Variants in ATG10 observed in about 807,000 individuals in gnomAD.
The protein encoded by ATG10 is ubiquitin-like-conjugating enzyme ATG10.
A neutral mutation model predicts 32.1 loss-of-function variants in ATG10; 30 were observed. That is an observed-to-expected ratio of 0.94 (90% CI 0.70 to 1.27). The LOEUF is 1.27. Ranked by LOEUF, ATG10 falls within the 50% of genes most tolerant of loss-of-function variation. The pLI, the probability that ATG10 is intolerant of heterozygous loss-of-function variation, is 0.00. For synonymous variants in ATG10, 87 were observed against 91.5 expected, an observed-to-expected ratio of 0.95 and a Z score of 0.28; for missense variants, 233 against 262.3, an observed-to-expected ratio of 0.89 and a Z score of 0.77.
intron 2 of ATG10, among the ~76,000 whole-genome samples, chr5:82,035,607 TTATTAA>T (rs1762895046): frequency 6.6e-6 from 1 of 152,048 alleles, no homozygotes; most frequent in Non-Finnish European, 1.5e-5. Context: ...TGCATTTTCC[TTATTAA>T]TACTAATGTT....
chr5:82,142,223 G>T (rs970975406), intron 3 of ATG10, among the ~76,000 whole-genome samples: 1 of 152,206 alleles, frequency 6.6e-6, no homozygotes, highest in African/African-American at 2.4e-5. Context: ...CAACAGGCTA[G>T]TGGACAGACT....
rs530561058 is a variant in ATG10, at chr5:82,015,196, A to G, written c.108+27518A>G. ...TTGTAGAGTTTCTGCTGAGAGATCCACTGTTAGTCTGATGGGCTTCCCTTT... is the reference window on the plus strand; with the variant it reads ...TTGTAGAGTTTCTGCTGAGAGATCCGCTGTTAGTCTGATGGGCTTCCCTTT... On this transcript the variant is annotated intron_variant, in intron 2 of 7. Transcript: ENST00000282185. Among the ~76,000 whole-genome samples the G allele has an allele frequency of 1.2e-3, 179 of 152,226 alleles. 2 individuals carry two copies. The highest frequency in any genetic ancestry group is 2.3e-3 in the Admixed American group (35 of 15,294).
At chr5:81,974,214 A>G (rs1332753532) in intron 1 of ATG10, among the ~76,000 whole-genome samples, 2 of 152,220 alleles carry the variant, frequency 1.3e-5, no homozygotes, top group East Asian at 1.9e-4. Context: ...ACCTTAAGAA[A>G]AAAAAAGCCA....
chr5:82,127,008 C>CAG (rs1449119893), intron 3 of ATG10, among the ~76,000 whole-genome samples: 1 of 151,970 alleles, frequency 6.6e-6, no homozygotes, highest in East Asian at 2.0e-4. Context: ...GTTTAGCCTT[C>CAG]AGAGAGTGTA....
chr5:82,019,709 G>A (rs937442757), intron 2 of ATG10, among the ~76,000 whole-genome samples: 6 of 152,166 alleles, frequency 3.9e-5, no homozygotes, highest in African/African-American at 9.7e-5. Context: ...CTACAGATGG[G>A]GAGGGAGGGA....
intron 5 of ATG10, among the ~76,000 whole-genome samples, chr5:82,191,175 G>A (rs147293207): frequency 1.3e-5 from 2 of 152,284 alleles, no homozygotes; most frequent in Admixed American, 6.5e-5. Context: ...TTGGAGTCAC[G>A]TATCAATCAA....
intron 3 of ATG10, among the ~76,000 whole-genome samples, chr5:82,135,842 G>A (rs1240084248): frequency 6.6e-6 from 1 of 152,026 alleles, no homozygotes. Flanking sequence ...CACTATTATT[G>A]TGTGGGAGTC....
intron 5 of ATG10, among the ~76,000 whole-genome samples, chr5:82,200,731 G>A (rs951165842): frequency 6.6e-6 from 1 of 150,832 alleles, no homozygotes; most frequent in Non-Finnish European, 1.5e-5. Flanking sequence ...ACGTATTCCA[G>A]ATATAAGTCC....
chr5:82,167,164 C>A (rs1743616196), intron 4 of ATG10, among the ~76,000 whole-genome samples: 1 of 152,166 alleles, frequency 6.6e-6, no homozygotes, highest in South Asian at 2.1e-4. Context: ...AACATGCCAT[C>A]TATTCTTGTC....
At chr5:82,125,093 G>C (rs954448765) in intron 3 of ATG10, among the ~76,000 whole-genome samples, 11 of 152,172 alleles carry the variant, frequency 7.2e-5, no homozygotes, top group African/African-American at 2.4e-4. Context: ...GTGTTCTTTT[G>C]AGAAGTGTCT....
intron 5 of ATG10, among the ~76,000 whole-genome samples, chr5:82,193,538 A>G (rs1018235296): frequency 3.3e-5 from 5 of 152,196 alleles, no homozygotes; most frequent in African/African-American, 1.2e-4. Context: ...GCAAAGCCTT[A>G]GACTGTAGAA....
At chr5:81,979,420 CG>C (rs1760968763) in intron 1 of ATG10, among the ~76,000 whole-genome samples, 1 of 151,918 alleles carries the variant, frequency 6.6e-6, no homozygotes, top group Non-Finnish European at 1.5e-5. Flanking sequence ...CCTAGCTACT[CG>C]GGAGGCTGAG....
intron 5 of ATG10, among the ~76,000 whole-genome samples, chr5:82,249,705 A>G (rs753677414): frequency 3.3e-5 from 5 of 152,220 alleles, no homozygotes; most frequent in African/African-American, 7.2e-5. Context: ...CTTGATCTCA[A>G]ACAGTCTTAA....
intron 2 of ATG10, among the ~76,000 whole-genome samples, chr5:82,041,144 A>G (rs1026390065): frequency 1.3e-5 from 2 of 152,182 alleles, no homozygotes; most frequent in South Asian, 4.1e-4. Context: ...TTTACTTATT[A>G]TCTATCTTCC....
At chr5:82,063,264 A>C (rs1199062927) in intron 3 of ATG10, among the ~76,000 whole-genome samples, 1 of 152,172 alleles carries the variant, frequency 6.6e-6, no homozygotes, top group African/African-American at 2.4e-5. Context: ...GGTTACAGTG[A>C]GCTATGATCA....
intron 5 of ATG10, among the ~76,000 whole-genome samples, chr5:82,221,892 A>G (rs987590067): frequency 2.0e-5 from 3 of 152,180 alleles, no homozygotes; most frequent in Admixed American, 6.5e-5. Flanking sequence ...CTGACTTTGC[A>G]CTCCAATCAG....
chr5:82,098,308 G>GTTTT lies in ATG10; in HGVS notation c.216+39724_216+39727dup, dbSNP rs35693758. Among the ~76,000 whole-genome samples the GTTTT allele has an allele frequency of 2.2e-4, 26 of 115,586 alleles. 2 individuals are homozygous for GTTTT. The highest frequency in any genetic ancestry group is 2.8e-4 in the Admixed American group (3 of 10,742). 75.8% of individuals were successfully genotyped at this position (115,586 alleles called of 152,430 possible). A position where few individuals can be genotyped will look rare whatever the true frequency, so the allele number is the denominator to read the frequency against. The stretch of plus-strand genomic sequence containing the variant: ...ATTTTATTGTTAATATTGTTGTTGG[G>GTTTT]TTTTTTTTTTTTTTTTTTTTTGAGA... On this transcript the variant is annotated intron_variant, in intron 3 of 7. Coordinates refer to ENST00000282185, the MANE Select transcript of ATG10 (RefSeq NM_031482.5).
intron 5 of ATG10, among the ~76,000 whole-genome samples, chr5:82,216,564 A>AT (rs1193442658): frequency 1.8e-4 from 27 of 152,344 alleles, no homozygotes; most frequent in African/African-American, 6.3e-4. Context: ...GACTTCAAGC[A>AT]TGCTAATTAG....
At chr5:82,124,650 A>T (rs1047123827) in intron 3 of ATG10, among the ~76,000 whole-genome samples, 4 of 151,898 alleles carry the variant, frequency 2.6e-5, no homozygotes, top group Non-Finnish European at 4.4e-5. Context: ...AGGGTATTCC[A>T]TGGTGTATAT....
Sources: gnomAD v4.1 joint callset for allele counts (sites outside exome capture counted in the v4.1 genomes callset) on GRCh38, gnomAD v4.1.1 for gene constraint, MANE v1.5 for transcripts, NCBI Gene and HGNC (gene_info 2026-07-23, HGNC 2026-07-21) for gene names.